WNT16: variants seen among roughly 807,000 people sequenced by gnomAD.
WNT16 encodes the protein protein Wnt-16.
Under a neutral mutation model 35.4 loss-of-function variants are expected in WNT16, and 20 were observed. The ratio of observed to expected loss-of-function variants is 0.56; its 90% CI spans 0.40 to 0.82. WNT16 has a LOEUF of 0.82. Ranked by LOEUF, WNT16 falls within the 40% of genes least tolerant of loss-of-function variation. The pLI is 0.00. For synonymous variants in WNT16, 180 were observed against 179.2 expected, an observed-to-expected ratio of 1.00 and a Z score of -0.03; for missense variants, 461 against 466.0, an observed-to-expected ratio of 0.99 and a Z score of 0.10.
Position 121,339,443 on chromosome 7 carries a change from C to A in WNT16, c.*98C>A. On this transcript the variant is annotated 3_prime_UTR_variant, in exon 4 of 4. Transcript: ENST00000222462. ...CTGTGCAGCGCTAGTAAAGTTGACT[C>A]TTGCAGTGGAATCCCTAGAACCTTG... 8.8e-7 allele frequency: 1 copy of A among 1,132,760 alleles called. No individual in the cohort carries two copies. Among genetic ancestry groups the A allele is most frequent in the Non-Finnish European group, 1.2e-6 (1 of 807,418 alleles). 70.2% of individuals were successfully genotyped at this position (1,132,760 alleles called of 1,614,324 possible). A position where few individuals can be genotyped will look rare whatever the true frequency, so the allele number is the denominator to read the frequency against.
At chr7:121,334,920 T>A (rs1399394612) in intron 3 of WNT16, among the ~76,000 whole-genome samples, 1 of 152,132 alleles carries the variant, frequency 6.6e-6, no homozygotes, top group African/African-American at 2.4e-5. Flanking sequence ...TGTTTTATGA[T>A]GAGTAACTCA....
chr7:121,327,433 C>A (rs1485419870), upstream of WNT16, among the ~76,000 whole-genome samples: 2 of 150,880 alleles, frequency 1.3e-5, no homozygotes, highest in Admixed American at 1.3e-4. Flanking sequence ...TCACTGCAAC[C>A]TCCACCTCCT....
chr7:121,325,779 G>GCCTATAA (rs1793235860), upstream of WNT16, among the ~76,000 whole-genome samples: 1 of 152,146 alleles, frequency 6.6e-6, no homozygotes. Flanking sequence ...CATGGATCAT[G>GCCTATAA]CCTATAATCC....
At chr7:121,331,544 A>G in intron 2 of WNT16, 134 bp from the exon 3 acceptor site, 3 of 734,556 alleles carry the variant, frequency 4.1e-6, no homozygotes, top group Non-Finnish European at 6.5e-6. Context: ...CTTTCTAAAT[A>G]TGTACTCGTT....
At position 121,331,759 on chromosome 7, in the gene WNT16, A is replaced by G. The variant is rs764929461; in HGVS notation, c.428A>G (p.Asn143Ser). 1.2e-6 allele frequency: 2 copies of G among 1,614,242 alleles called. No individual in the cohort carries two copies. The highest frequency in any genetic ancestry group is 1.7e-5 in the Admixed American group (1 of 60,028). ...HSVTRSCSAG[N>S]MTECSCDTTL... ...GTGACCAGGTCATGCAGTGCAGGCAACATGACAGAGTGTTCCTGTGACACC... is the reference window on the plus strand; with the variant it reads ...GTGACCAGGTCATGCAGTGCAGGCAGCATGACAGAGTGTTCCTGTGACACC... The change falls in exon 3 of 4, where the codon AAC becomes AGC. Residue 143 changes from asparagine (N) to serine (S), a missense_variant. Coordinates refer to ENST00000222462, the MANE Select transcript of WNT16 (RefSeq NM_057168.2).
intron 3 of WNT16, among the ~76,000 whole-genome samples, chr7:121,332,979 A>G (rs1391631069): frequency 6.6e-6 from 1 of 152,068 alleles, no homozygotes; most frequent in South Asian, 2.1e-4. Flanking sequence ...ATTCTACAAC[A>G]TAGTTGACTT....
chr7:121,340,382 AAAT>A lies in WNT16; in HGVS notation c.*1042_*1044del, dbSNP rs1221836637. 113 of 152,236 alleles carry A rather than the reference AAAT, an allele frequency of 7.4e-4. No individual in the cohort carries two copies. The highest frequency in any genetic ancestry group is 2.7e-3 in the African/African-American group (111 of 41,544). 9.4% of individuals were successfully genotyped at this position (152,236 alleles called of 1,614,324 possible). ...AGCTAAGGCAGTAAAATTATCTCAT[AAAT>A]AATATTAGCTTATTTTTTTTCATAC... On this transcript the variant is annotated 3_prime_UTR_variant, in exon 4 of 4. Transcript: ENST00000222462.
At chr7:121,328,855 C>G (rs1306411328), upstream of WNT16, 1 of 211,372 alleles carries the variant, frequency 4.7e-6, no homozygotes, top group Non-Finnish European at 8.3e-6. Flanking sequence ...CGGAGCGCCC[C>G]CCGCGGAGCC....
rs1351218963 is a variant in WNT16, at chr7:121,340,747, T to A, written c.*1402T>A. The A allele has an allele frequency of 6.6e-6, 1 of 152,464 alleles. No individual in the cohort carries two copies. Among genetic ancestry groups the A allele is most frequent in the African/African-American group, 2.4e-5 (1 of 41,446 alleles). 9.4% of individuals were successfully genotyped at this position (152,464 alleles called of 1,614,324 possible). A position where few individuals can be genotyped will look rare whatever the true frequency, so the allele number is the denominator to read the frequency against. On this transcript the variant is annotated 3_prime_UTR_variant, in exon 4 of 4. Transcript: ENST00000222462. ...GCATTTCTATTTGAATGTTAAGTGG[T>A]CTTTCTTGTTTTTAATATTCATGCA...
chr7:121,331,811 T>A lies in WNT16; in HGVS notation c.480T>A (p.Ser160Arg), dbSNP rs756557596. ...CCTTGCAGAACGGCGGCTCAGCAAG[T>A]GAAGGCTGGCACTGGGGGGGCTGCT... ...DTTLQNGGSA[S>R]EGWHWGGCSD... Residue 160 changes from serine to arginine, a missense_variant, in exon 3 of 4, where the codon AGT becomes AGA. By Grantham distance (110) the Ser-to-Arg change is moderately radical. Coordinates refer to ENST00000222462, the MANE Select transcript of WNT16 (RefSeq NM_057168.2). The A allele has an allele frequency of 6.2e-7, 1 of 1,614,100 alleles. No homozygotes were observed. The highest frequency in any genetic ancestry group is 8.5e-7 in the Non-Finnish European group (1 of 1,180,024).
chr7:121,332,041 T>C (rs1231069569), intron 3 of WNT16, 77 bp downstream of exon 3: 1 of 1,523,660 alleles, frequency 6.6e-7, no homozygotes, highest in Non-Finnish European at 8.9e-7. Context: ...TGCATGAAAC[T>C]GTCCAAATGA....
intron 3 of WNT16, among the ~76,000 whole-genome samples, chr7:121,332,252 G>GTGTA (rs74183706): frequency 1.3e-3 from 191 of 152,006 alleles, no homozygotes; most frequent in African/African-American, 4.3e-3. Context: ...GTGTGTGTGT[G>GTGTA]TATACACATT....
intron 3 of WNT16, among the ~76,000 whole-genome samples, chr7:121,333,778 C>T (rs1212025629): frequency 3.3e-5 from 5 of 151,860 alleles, no homozygotes; most frequent in Admixed American, 2.0e-4. Flanking sequence ...TCTTCTTTGG[C>T]CATTCTTTAA....
upstream of WNT16, among the ~76,000 whole-genome samples, chr7:121,326,808 C>G (rs1430417133): frequency 6.6e-6 from 1 of 152,076 alleles, no homozygotes; most frequent in Non-Finnish European, 1.5e-5. Flanking sequence ...AAATCAAACA[C>G]CTCTTTAAAA....
intron 3 of WNT16, among the ~76,000 whole-genome samples, chr7:121,333,100 AT>A (rs1441544328): frequency 6.6e-6 from 1 of 152,154 alleles, no homozygotes; most frequent in African/African-American, 2.4e-5. Flanking sequence ...CACATATCAT[AT>A]ATTCTTGTAA....
At position 121,331,695 on chromosome 7, in the gene WNT16, T is replaced by A. The variant is rs1793349351; in HGVS notation, c.364T>A (p.Phe122Ile). The change falls in exon 3 of 4, where the codon TTT becomes ATT. Residue 122 changes from phenylalanine (F) to isoleucine (I), a missense_variant. Coordinates refer to ENST00000222462, the MANE Select transcript of WNT16 (RefSeq NM_057168.2). ...TTTTCTAGGCACCAAAGAGACAGCA[T>A]TTATTTATGCTGTGATGGCTGCAGG... The part of the protein sequence containing the change: ...ELSSGTKETA[F>I]IYAVMAAGLV... 1.2e-6 allele frequency: 2 copies of A among 1,608,642 alleles called. No homozygotes were observed. Among genetic ancestry groups the A allele is most frequent in the Non-Finnish European group, 1.7e-6 (2 of 1,175,308 alleles).
Position 121,338,935 on chromosome 7 carries a change from T to G in WNT16, c.688T>G (p.Cys230Gly). ...DCRCHGVSGS[C>G]AVKTCWKTMS... ...CCGCTGCCACGGAGTTTCCGGCTCC[T>G]GTGCTGTGAAAACATGCTGGAAAAC... Residue 230 changes from cysteine to glycine, a missense_variant, in exon 4 of 4, where the codon TGT (cysteine) becomes GGT (glycine). Coordinates refer to ENST00000222462, the MANE Select transcript of WNT16 (RefSeq NM_057168.2). The G allele has an allele frequency of 6.2e-7, 1 of 1,614,140 alleles. No homozygotes were observed. Among genetic ancestry groups the G allele is most frequent in the East Asian group, 2.2e-5 (1 of 44,880 alleles).
upstream of WNT16, among the ~76,000 whole-genome samples, chr7:121,326,487 G>C (rs1300582019): frequency 1.3e-5 from 2 of 152,138 alleles, no homozygotes; most frequent in African/African-American, 4.8e-5. Flanking sequence ...TGACTCTCAG[G>C]ACAGAATACC....
At chr7:121,337,886 G>GA (rs1245326741) in intron 3 of WNT16, among the ~76,000 whole-genome samples, 3 of 152,094 alleles carry the variant, frequency 2.0e-5, no homozygotes, top group South Asian at 2.1e-4. Context: ...ACTTAGAATT[G>GA]AAAAAATTAC....
Sources: gnomAD v4.1 joint callset for allele counts (sites outside exome capture counted in the v4.1 genomes callset) on GRCh38, gnomAD v4.1.1 for gene constraint, MANE v1.5 for transcripts, NCBI Gene and HGNC (gene_info 2026-07-23, HGNC 2026-07-21) for gene names.